FRS2: variants seen among roughly 807,000 people sequenced by gnomAD.
FRS2 encodes the protein FGFR signalling adaptor.
FRS2 carries 8 observed loss-of-function variants against 43.9 expected under a neutral mutation model. That is an observed-to-expected ratio of 0.18 (90% CI 0.11 to 0.33). FRS2 has a LOEUF of 0.33. FRS2 is among the 10% of genes least tolerant of loss of function. The probability of loss-of-function intolerance (pLI) is 1.00; values close to 1 mark genes in which losing one functional copy is unlikely to be tolerated. For missense variants in FRS2, 534 were observed against 627.6 expected, an observed-to-expected ratio of 0.85 and a Z score of 1.59; for synonymous variants, 219 against 220.3, an observed-to-expected ratio of 0.99 and a Z score of 0.05.
At chr12:69,528,604 C>A (rs553138194) in intron 1 of FRS2, among the ~76,000 whole-genome samples, 1 of 152,136 alleles carries the variant, frequency 6.6e-6, no homozygotes, top group Non-Finnish European at 1.5e-5. Flanking sequence ...AAGTCGGGAA[C>A]TTAAGAATCT....
At chr12:69,556,425 C>G (rs371688371) in intron 3 of FRS2, among the ~76,000 whole-genome samples, 22 of 152,114 alleles carry the variant, frequency 1.4e-4, no homozygotes, top group Admixed American at 6.5e-4. Context: ...CTCCACCTCC[C>G]AGGGTCAAGC....
In FRS2 at chr12:69,576,489, A is replaced by C. The variant is rs1429527845; in HGVS notation, c.*1534A>C. On this transcript the variant is annotated 3_prime_UTR_variant, in exon 9 of 9. Coordinates refer to ENST00000549921, the MANE Select transcript of FRS2 (RefSeq NM_001278356.2). ...GAGAGAAGGTAGAGTGGAAAAGGTT[A>C]GGTAACCTTGCAAAATATTTTACTA... 1 of 152,234 alleles carries C rather than the reference A, an allele frequency of 6.6e-6. No homozygotes were observed. The highest frequency in any genetic ancestry group is 1.9e-4 in the East Asian group (1 of 5,200). 9.4% of individuals were successfully genotyped at this position (152,234 alleles called of 1,614,324 possible).
chr12:69,518,603 A>G (rs1245981717), intron 1 of FRS2, among the ~76,000 whole-genome samples: 2 of 152,028 alleles, frequency 1.3e-5, no homozygotes, highest in African/African-American at 2.4e-5. Flanking sequence ...AGTCCCAGCT[A>G]CTTTGGGGGC....
intron 1 of FRS2, among the ~76,000 whole-genome samples, chr12:69,472,252 A>ATTTTTTTTT (rs1565707289): frequency 7.1e-6 from 1 of 140,612 alleles, no homozygotes; most frequent in Non-Finnish European, 1.6e-5. Flanking sequence ...ACACCTGGCT[A>ATTTTTTTTT]ATTTTTTTTT....
intron 1 of FRS2, among the ~76,000 whole-genome samples, chr12:69,498,519 T>TTGTGTGTGTGTGTGTG (rs71094717): frequency 0.07 from 9,908 of 141,330 alleles, 384 homozygotes; most frequent in African/African-American, 0.086. Flanking sequence ...TTATGAGGGT[T>TTGTGTGTGTGTGTGTG]TGTGTGTGTG....
intron 1 of FRS2, among the ~76,000 whole-genome samples, chr12:69,517,986 A>G (rs1807774812): frequency 1.3e-5 from 2 of 152,046 alleles, no homozygotes; most frequent in African/African-American, 4.8e-5. Flanking sequence ...TTGCATTTAT[A>G]TATAAAATAT....
intron 4 of FRS2, among the ~76,000 whole-genome samples, chr12:69,566,998 C>T (rs374614202): frequency 7.9e-5 from 12 of 152,170 alleles, no homozygotes; most frequent in African/African-American, 2.2e-4. Context: ...GCTTATTTCT[C>T]TTTATTTTGC....
In FRS2 at chr12:69,566,680, C is replaced by A. The variant is rs74615190; in HGVS notation, c.-26-2325C>A. Among the ~76,000 whole-genome samples the A allele has an allele frequency of 6.9e-3, 1,041 of 151,784 alleles. 15 individuals carry two copies. The highest frequency in any genetic ancestry group is 0.024 in the African/African-American group (999 of 41,414). On this transcript the variant is annotated intron_variant, in intron 4 of 8. Coordinates refer to ENST00000549921, the MANE Select transcript of FRS2 (RefSeq NM_001278356.2). ...TTAGTGCCCTGGAAAATGAACAAGACAAGATTTCCTGTCTTTAAAGAGATC... is the reference window on the plus strand; with the variant it reads ...TTAGTGCCCTGGAAAATGAACAAGAAAAGATTTCCTGTCTTTAAAGAGATC...
intron 1 of FRS2, among the ~76,000 whole-genome samples, chr12:69,483,831 T>A (rs1262880808): frequency 1.3e-5 from 2 of 149,450 alleles, no homozygotes; most frequent in Non-Finnish European, 2.9e-5. Flanking sequence ...GAGAGTTTTT[T>A]AATCTTGAAA....
intron 3 of FRS2, among the ~76,000 whole-genome samples, chr12:69,559,800 AC>A (rs1879732639): frequency 6.6e-6 from 1 of 151,794 alleles, no homozygotes; most frequent in Non-Finnish European, 1.5e-5. Context: ...AAAAAAAAAA[AC>A]AACCAGACCG....
In FRS2 at chr12:69,579,666, A is replaced by G. The variant is rs1881426775; in HGVS notation, c.*4711A>G. On this transcript the variant is annotated 3_prime_UTR_variant, in exon 9 of 9. Transcript: ENST00000549921. The stretch of plus-strand genomic sequence containing the variant: ...AGCTGATCATACACTGACCTGAAGC[A>G]TTCATGAAAAGCTGCTTTATTGAAT... 2 of 152,238 alleles carry G rather than the reference A, an allele frequency of 1.3e-5. No individual in the cohort carries two copies. The highest frequency in any genetic ancestry group is 1.3e-4 in the Admixed American group (2 of 15,280). 9.4% of individuals were successfully genotyped at this position (152,238 alleles called of 1,614,324 possible). A position where few individuals can be genotyped will look rare whatever the true frequency, so the allele number is the denominator to read the frequency against.
rs531328068 is a variant in FRS2, at chr12:69,579,323, A to T, written c.*4368A>T. 1 of 152,782 alleles carries T rather than the reference A, an allele frequency of 6.5e-6. No homozygotes were observed. The highest frequency in any genetic ancestry group is 1.9e-4 in the East Asian group (1 of 5,190). 9.5% of individuals were successfully genotyped at this position (152,782 alleles called of 1,614,324 possible). ...CATATATGATGTAAACTTGCTTTTA[A>T]GGACAAGTGTGAATGTGCTTTTTAA... On this transcript the variant is annotated 3_prime_UTR_variant, in exon 9 of 9. Transcript: ENST00000549921.
intron 1 of FRS2, among the ~76,000 whole-genome samples, chr12:69,490,533 C>A (rs1203680313): frequency 6.7e-6 from 1 of 148,988 alleles, no homozygotes; most frequent in Non-Finnish European, 1.5e-5. Flanking sequence ...TTTGGCACTT[C>A]TTAGGTTCTT....
intron 3 of FRS2, 154 bp from the exon 4 acceptor site, chr12:69,562,026 A>G (rs993008154): frequency 1.3e-5 from 5 of 379,176 alleles, no homozygotes; most frequent in East Asian, 1.1e-4. Flanking sequence ...ACTTTTTAAA[A>G]TTGATGTTAT....
Position 69,569,099 on chromosome 12 carries a change from C to A in FRS2, c.66+3C>A. ...ATAACCATCGGAACAAGTTTAAGGT[C>A]AGTAAAACTGGTTGAGTTATATATC... On this transcript the variant is annotated splice_donor_region_variant and intron_variant, in intron 5 of 8. Coordinates refer to ENST00000549921, the MANE Select transcript of FRS2 (RefSeq NM_001278356.2). 1 of 1,584,552 alleles carries A rather than the reference C, an allele frequency of 6.3e-7. No homozygotes were observed. The highest frequency in any genetic ancestry group is 8.7e-7 in the Non-Finnish European group (1 of 1,154,488).
At chr12:69,537,692 A>G (rs1877447064) in intron 3 of FRS2, among the ~76,000 whole-genome samples, 1 of 150,844 alleles carries the variant, frequency 6.6e-6, no homozygotes, top group African/African-American at 2.4e-5. Context: ...TTGTAATCCC[A>G]CTTGGGATTC....
At chr12:69,508,651 C>T (rs1316672253) in intron 1 of FRS2, among the ~76,000 whole-genome samples, 1 of 152,204 alleles carries the variant, frequency 6.6e-6, no homozygotes, top group Non-Finnish European at 1.5e-5. Context: ...TATTACAAGG[C>T]TTATGAAAAC....
intron 3 of FRS2, among the ~76,000 whole-genome samples, chr12:69,549,206 A>G (rs1485142214): frequency 6.6e-6 from 1 of 152,226 alleles, no homozygotes; most frequent in African/African-American, 2.4e-5. Flanking sequence ...TAGAGGTTTT[A>G]TATCATATTA....
In FRS2 at chr12:69,480,646, A is replaced by G. The variant is rs555280732; in HGVS notation, c.-261+10116A>G. Reference sequence around the variant, plus strand: ...GCACCTGGCCATTGGGTTTTTAAAAATTTCATTTACTATATATTTTTGTTT... The same window carrying G: ...GCACCTGGCCATTGGGTTTTTAAAAGTTTCATTTACTATATATTTTTGTTT... On this transcript the variant is annotated intron_variant, in intron 1 of 8. Coordinates refer to ENST00000549921, the MANE Select transcript of FRS2 (RefSeq NM_001278356.2). Among the ~76,000 whole-genome samples, 5 of 152,282 alleles carry G rather than the reference A, an allele frequency of 3.3e-5. No individual in the cohort carries two copies. In the East Asian group the frequency reaches 9.6e-4, roughly 29 times the overall value.
Sources: allele counts gnomAD v4.1 joint callset (sites outside exome capture counted in the v4.1 genomes callset), GRCh38; gene constraint gnomAD v4.1.1; transcripts MANE v1.5; gene names NCBI Gene and HGNC (gene_info 2026-07-23, HGNC 2026-07-21).